The following MTMR7 variants were observed in gnomAD, a reference collection of about 807,000 sequenced individuals.
The protein encoded by MTMR7 is myotubularin related protein 7, also known as phosphatidylinositol-3-phosphate phosphatase MTMR7.
A neutral mutation model predicts 81.2 loss-of-function variants in MTMR7; 76 were observed. The observed-to-expected ratio is 0.94, with a 90% CI of 0.78 to 1.13. MTMR7 has a LOEUF of 1.13. Ranked by LOEUF, MTMR7 falls within the 50% of genes most tolerant of loss-of-function variation. The pLI is 0.00. For missense variants in MTMR7, 1,044 were observed against 820.0 expected (o/e 1.27, Z -3.34); for synonymous variants, 372 against 289.8 (o/e 1.28, Z -2.88).
chr8:17,402,257 C>G (rs896777624), intron 1 of MTMR7, among the ~76,000 whole-genome samples: 6 of 152,092 alleles, frequency 3.9e-5, no homozygotes, highest in African/African-American at 1.4e-4. Flanking sequence ...CAGTTATACT[C>G]TTTTAGTTAC....
chr8:17,384,801 G>A (rs559444461), intron 1 of MTMR7, among the ~76,000 whole-genome samples: 2 of 152,282 alleles, frequency 1.3e-5, no homozygotes, highest in South Asian at 2.1e-4. Flanking sequence ...AATAAAGAAC[G>A]TCAACTGTTT....
At chr8:17,336,090 T>C (rs1819228222) in intron 6 of MTMR7, among the ~76,000 whole-genome samples, 1 of 152,208 alleles carries the variant, frequency 6.6e-6, no homozygotes, top group African/African-American at 2.4e-5. Flanking sequence ...CTTCCCTCTC[T>C]GGCATAGCGT....
Position 17,298,055 on chromosome 8 carries a change from T to C in MTMR7, c.*1807A>G, listed in dbSNP as rs1328907054. The C allele has an allele frequency of 6.6e-6, 1 of 152,036 alleles. No homozygotes were observed. Among genetic ancestry groups the C allele is most frequent in the Non-Finnish European group, 1.5e-5 (1 of 67,884 alleles). 9.4% of individuals were successfully genotyped at this position (152,036 alleles called of 1,614,324 possible). On this transcript the variant is annotated 3_prime_UTR_variant, in exon 14 of 14. Coordinates refer to ENST00000180173, the MANE Select transcript of MTMR7 (RefSeq NM_004686.5). ...TTTGTCATTTTTTAAAAAATGTTTA[T>C]TGTTTTTATAGACATACACTGTCAA...
At chr8:17,377,726 T>A (rs1820632047) in intron 1 of MTMR7, among the ~76,000 whole-genome samples, 1 of 152,162 alleles carries the variant, frequency 6.6e-6, no homozygotes, top group African/African-American at 2.4e-5. Flanking sequence ...ATTCATAGTA[T>A]CCTCATTCTT....
chr8:17,391,170 C>T (rs1821096629), intron 1 of MTMR7, among the ~76,000 whole-genome samples: 1 of 152,028 alleles, frequency 6.6e-6, no homozygotes, highest in Non-Finnish European at 1.5e-5. Context: ...TGAGGGGAAA[C>T]AAGTAGGAGA....
intron 2 of MTMR7, among the ~76,000 whole-genome samples, chr8:17,371,686 G>T (rs562215172): frequency 1.4e-4 from 22 of 152,076 alleles, no homozygotes; most frequent in African/African-American, 5.3e-4. Context: ...GGTCGGGCAG[G>T]CTGCAAAAGA....
At chr8:17,313,424 A>C in intron 7 of MTMR7, 23 bp from the exon 8 acceptor site, 1 of 1,495,730 alleles carries the variant, frequency 6.7e-7, no homozygotes, top group Non-Finnish European at 9.3e-7. Flanking sequence ...TCATGTTATA[A>C]AAGCAAAATT....
chr8:17,374,244 G>A (rs1388261473), intron 1 of MTMR7, among the ~76,000 whole-genome samples: 2 of 152,222 alleles, frequency 1.3e-5, no homozygotes, highest in Non-Finnish European at 1.5e-5. Context: ...CCAGCACTTT[G>A]GGAAGCCGAG....
In MTMR7 at chr8:17,304,422, C is replaced by A. The variant is rs2150468026; in HGVS notation, c.1450G>T (p.Gly484Ter). The change falls in exon 12 of 14, where the codon GGA becomes TGA. Residue 484 changes from glycine to a stop codon, truncating the protein, a stop_gained. Coordinates refer to ENST00000180173, the MANE Select transcript of MTMR7 (RefSeq NM_004686.5). LOFTEE classifies it high-confidence loss of function. ...GGTGTTGTAGGGAGATGAAGGGTTCCCTGAGTCTGGCTGTGATCAGCTCTA... is the reference window on the plus strand; with the variant it reads ...GGTGTTGTAGGGAGATGAAGGGTTCACTGAGTCTGGCTGTGATCAGCTCTA... ...LFRADHSQTQ[G>*]TLHLPTTPCN... The A allele has an allele frequency of 1.2e-6, 2 of 1,613,922 alleles. 1 individual carries two copies. The highest frequency in any genetic ancestry group is 4.5e-5 in the East Asian group (2 of 44,872).
chr8:17,321,119 C>T (rs6988103), intron 7 of MTMR7, among the ~76,000 whole-genome samples: 16,942 of 152,176 alleles, frequency 0.11, 1,291 homozygotes, highest in Non-Finnish European at 0.17. Context: ...TAAGCTCTGA[C>T]GCTTAGCCCA....
At position 17,304,369 on chromosome 8, in the gene MTMR7, A is replaced by T. The variant is rs1817314516; in HGVS notation, c.1493+10T>A. The T allele has an allele frequency of 6.2e-7, 1 of 1,609,338 alleles. No individual in the cohort carries two copies. Among genetic ancestry groups the T allele is most frequent in the East Asian group, 2.2e-5 (1 of 44,716 alleles). ...TACCATGGCTACAAAGTTACCAAGG[A>T]TTTACATACTTGTACATGAAGTTAC... On this transcript the variant is annotated intron_variant, in intron 12 of 13. Transcript: ENST00000180173.
chr8:17,390,408 T>C (rs578209321), intron 1 of MTMR7, among the ~76,000 whole-genome samples: 1 of 152,258 alleles, frequency 6.6e-6, no homozygotes, highest in South Asian at 2.1e-4. Flanking sequence ...ACCATTCATA[T>C]GAAATCCACC....
At chr8:17,399,274 T>C (rs1390367933) in intron 1 of MTMR7, among the ~76,000 whole-genome samples, 1 of 152,184 alleles carries the variant, frequency 6.6e-6, no homozygotes, top group Non-Finnish European at 1.5e-5. Context: ...TGACAAAGAA[T>C]TCTGTCAAGT....
At chr8:17,306,895 G>T (rs539537837) in intron 10 of MTMR7, among the ~76,000 whole-genome samples, 162 of 149,360 alleles carry the variant, frequency 1.1e-3, no homozygotes, top group Non-Finnish European at 2.0e-3. Flanking sequence ...ATTCAAGATG[G>T]ATTAAAGACT....
At chr8:17,337,297 G>A (rs1440378210) in intron 6 of MTMR7, among the ~76,000 whole-genome samples, 1 of 151,290 alleles carries the variant, frequency 6.6e-6, no homozygotes, top group Non-Finnish European at 1.5e-5. Context: ...CCCGGGAGAT[G>A]GAGGTTGCAG....
chr8:17,385,779 C>G lies in MTMR7; in HGVS notation c.25-12539G>C, dbSNP rs930578472. On this transcript the variant is annotated intron_variant, in intron 1 of 13. Transcript: ENST00000180173. ...TAAGAAGTATCTGCTCCCTCTTAAC[C>G]TTCCACCATGATTGTGTTTCCTGTG... Among the ~76,000 whole-genome samples, 10 of 152,300 alleles carry G rather than the reference C, an allele frequency of 6.6e-5. No individual in the cohort carries two copies. The East Asian group carries it at 1.7e-3, about 26-fold the overall frequency.
At chr8:17,373,842 C>T (rs1177986584) in intron 1 of MTMR7, among the ~76,000 whole-genome samples, 1 of 152,210 alleles carries the variant, frequency 6.6e-6, no homozygotes, top group Non-Finnish European at 1.5e-5. Context: ...AAAATCCAAA[C>T]TGCTAGAAGA....
At chr8:17,391,981 G>C (rs1179951886) in intron 1 of MTMR7, among the ~76,000 whole-genome samples, 1 of 152,104 alleles carries the variant, frequency 6.6e-6, no homozygotes, top group Non-Finnish European at 1.5e-5. Context: ...AGGAAAAATA[G>C]TTTAGACTTT....
intron 6 of MTMR7, among the ~76,000 whole-genome samples, chr8:17,333,276 T>G (rs1819106293): frequency 1.3e-5 from 2 of 152,198 alleles, no homozygotes; most frequent in Non-Finnish European, 2.9e-5. Flanking sequence ...TAAGACAACT[T>G]ATGTTCACAC....
Sources: allele counts gnomAD v4.1 joint callset (sites outside exome capture counted in the v4.1 genomes callset), GRCh38; gene constraint gnomAD v4.1.1; transcripts MANE v1.5; gene names NCBI Gene and HGNC (gene_info 2026-07-23, HGNC 2026-07-21).